The following RORA variants were observed in gnomAD, a reference collection of about 807,000 sequenced individuals.
RORA encodes the protein RAR related orphan receptor A, also known as nuclear receptor ROR-alpha.
A neutral mutation model predicts 69.5 loss-of-function variants in RORA; 7 were observed. That is an observed-to-expected ratio of 0.10 (90% CI 0.06 to 0.19). The LOEUF is 0.19. RORA is among the 10% of genes least tolerant of loss of function. The pLI is 1.00. For synonymous variants in RORA, 261 were observed against 240.8 expected, an observed-to-expected ratio of 1.08 and a Z score of -0.78; for missense variants, 457 against 663.0, an observed-to-expected ratio of 0.69 and a Z score of 3.41.
At chr15:60,926,034 A>T (rs539362789) in intron 1 of RORA, among the ~76,000 whole-genome samples, 1 of 152,358 alleles carries the variant, frequency 6.6e-6, no homozygotes, top group East Asian at 1.9e-4. Flanking sequence ...GATAGAGTAG[A>T]TTGAATGAGA....
At position 60,491,160 on chromosome 15, in the gene RORA, A is replaced by G. The variant is rs1335250414; in HGVS notation, c.*6295T>C. The stretch of plus-strand genomic sequence containing the variant: ...TGAAATCATTTTCACTATATTGCTC[A>G]AGAATTATCTGCATTTACATATGCA... On this transcript the variant is annotated 3_prime_UTR_variant, in exon 11 of 11. Coordinates refer to ENST00000335670, the MANE Select transcript of RORA (RefSeq NM_134261.3). 6.6e-6 allele frequency: 1 copy of G among 152,186 alleles called. No individual in the cohort carries two copies. Among genetic ancestry groups the G allele is most frequent in the Non-Finnish European group, 1.5e-5 (1 of 68,010 alleles). The allele number at this position is 152,186 out of a possible 1,614,324, so 9.4% of individuals were successfully genotyped here. A position where few individuals can be genotyped will look rare whatever the true frequency, so the allele number is the denominator to read the frequency against.
intron 1 of RORA, among the ~76,000 whole-genome samples, chr15:60,967,762 G>A (rs1189319303): frequency 4.6e-5 from 7 of 152,202 alleles, no homozygotes; most frequent in African/African-American, 1.4e-4. Context: ...AGATCAGTAA[G>A]TCAGGAATCT....
intron 1 of RORA, among the ~76,000 whole-genome samples, chr15:60,790,356 C>G (rs1451276993): frequency 6.6e-6 from 1 of 152,166 alleles, no homozygotes; most frequent in East Asian, 1.9e-4. Context: ...AACCTTAACT[C>G]AACTACAAAT....
chr15:60,942,816 T>C (rs1892741359), intron 1 of RORA, among the ~76,000 whole-genome samples: 1 of 152,174 alleles, frequency 6.6e-6, no homozygotes, highest in South Asian at 2.1e-4. Flanking sequence ...CACAGGCAAC[T>C]GGGCATAAGG....
intron 1 of RORA, among the ~76,000 whole-genome samples, chr15:60,833,506 C>T (rs528397392): frequency 6.2e-4 from 95 of 152,228 alleles, no homozygotes; most frequent in African/African-American, 2.2e-3. Flanking sequence ...TACATCCCAC[C>T]CGATTCCAAA....
chr15:60,840,783 T>A (rs2073186235), intron 1 of RORA, among the ~76,000 whole-genome samples: 1 of 152,160 alleles, frequency 6.6e-6, no homozygotes, highest in African/African-American at 2.4e-5. Flanking sequence ...GCCTTCATTA[T>A]CCCCTAATCC....
chr15:61,001,728 G>T lies in RORA; in HGVS notation c.166+227325C>A, dbSNP rs142519719. ...GGAGTGAACAGCTGTAAAAGCACCA[G>T]TTAATAGGAAAGAAATATTTGATAG... On this transcript the variant is annotated intron_variant, in intron 1 of 10. Transcript: ENST00000335670. Among the ~76,000 whole-genome samples the T allele has an allele frequency of 4.8e-3, 738 of 152,292 alleles. 5 individuals are homozygous for T. The highest frequency in any genetic ancestry group is 0.017 in the African/African-American group (693 of 41,554).
intron 1 of RORA, among the ~76,000 whole-genome samples, chr15:60,972,568 G>A (rs1893750281): frequency 6.6e-6 from 1 of 152,114 alleles, no homozygotes; most frequent in East Asian, 1.9e-4. Context: ...ATGTCTCACT[G>A]CACGTTTCAC....
chr15:60,750,151 G>T (rs1225986997), intron 1 of RORA, among the ~76,000 whole-genome samples: 5 of 152,156 alleles, frequency 3.3e-5, no homozygotes, highest in African/African-American at 1.2e-4. Flanking sequence ...CCAATTTACA[G>T]TTGAGGAAAT....
At chr15:61,093,018 A>C (rs1315380274) in intron 1 of RORA, among the ~76,000 whole-genome samples, 1 of 152,102 alleles carries the variant, frequency 6.6e-6, no homozygotes, top group South Asian at 2.1e-4. Flanking sequence ...CCCCACTTCC[A>C]GATCTACTCT....
intron 1 of RORA, among the ~76,000 whole-genome samples, chr15:61,099,214 G>T (rs1161213034): frequency 2.0e-5 from 3 of 152,194 alleles, no homozygotes; most frequent in Admixed American, 2.0e-4. Context: ...ATAACTGACT[G>T]TTTACTCAGA....
chr15:61,189,738 T>C (rs2140913421), intron 1 of RORA, among the ~76,000 whole-genome samples: 1 of 151,194 alleles, frequency 6.6e-6, no homozygotes, highest in South Asian at 2.1e-4. Flanking sequence ...GCACCTGTTG[T>C]CCCAGCTGCT....
At chr15:61,117,629 A>T (rs1389162107) in intron 1 of RORA, among the ~76,000 whole-genome samples, 1 of 152,196 alleles carries the variant, frequency 6.6e-6, no homozygotes, top group Non-Finnish European at 1.5e-5. Context: ...TGTTTGAGGA[A>T]TTCTCTCCCA....
At chr15:60,801,950 G>T (rs1009655910) in intron 1 of RORA, among the ~76,000 whole-genome samples, 1 of 152,198 alleles carries the variant, frequency 6.6e-6, no homozygotes, top group Non-Finnish European at 1.5e-5. Flanking sequence ...ACGTTAGCTA[G>T]GTAGGAAATG....
At chr15:61,224,004 T>C (rs1409042288) in intron 1 of RORA, among the ~76,000 whole-genome samples, 2 of 48,024 alleles carry the variant, frequency 4.2e-5, no homozygotes, top group African/African-American at 1.4e-4. Context: ...GAATTAGATA[T>C]CAAAAAAAAA....
At chr15:61,069,783 A>AT (rs1216627658) in intron 1 of RORA, among the ~76,000 whole-genome samples, 1 of 152,280 alleles carries the variant, frequency 6.6e-6, no homozygotes, top group East Asian at 1.9e-4. Flanking sequence ...AATTTTAGGG[A>AT]TTTTCAGGAG....
Position 60,488,792 on chromosome 15 carries a change from C to T in RORA, c.*8663G>A, listed in dbSNP as rs1402194555. ...AACTTGCATGTATATTTACAGAAGG[C>T]TGAGTTTGTTTACTCAAACAGAAGT... On this transcript the variant is annotated 3_prime_UTR_variant, in exon 11 of 11. Coordinates refer to ENST00000335670, the MANE Select transcript of RORA (RefSeq NM_134261.3). 2.0e-5 allele frequency: 3 copies of T among 152,168 alleles called. No homozygotes were observed. Among genetic ancestry groups the T allele is most frequent in the African/African-American group, 7.2e-5 (3 of 41,436 alleles). 9.4% of individuals were successfully genotyped at this position (152,168 alleles called of 1,614,324 possible).
chr15:60,693,924 T>TC (rs1567158838), intron 1 of RORA, among the ~76,000 whole-genome samples: 1 of 152,142 alleles, frequency 6.6e-6, no homozygotes, highest in Non-Finnish European at 1.5e-5. Context: ...GATTTTTTTT[T>TC]CACAGAATTA....
At chr15:61,217,609 A>G (rs1306223620) in intron 1 of RORA, among the ~76,000 whole-genome samples, 1 of 152,056 alleles carries the variant, frequency 6.6e-6, no homozygotes, top group African/African-American at 2.4e-5. Flanking sequence ...AAATGCCACC[A>G]CTCAAATATA....
Sources: gnomAD v4.1 joint callset for allele counts (sites outside exome capture counted in the v4.1 genomes callset) on GRCh38, gnomAD v4.1.1 for gene constraint, MANE v1.5 for transcripts, NCBI Gene and HGNC (gene_info 2026-07-23, HGNC 2026-07-21) for gene names.